ZNF385D: variants seen among roughly 807,000 people sequenced by gnomAD.
The protein encoded by ZNF385D is zinc finger protein 659.
A neutral mutation model predicts 35.8 loss-of-function variants in ZNF385D; 15 were observed. The observed-to-expected ratio is 0.42, with a 90% confidence interval of 0.28 to 0.64. The LOEUF is 0.64. ZNF385D is among the 30% of genes least tolerant of loss of function. ZNF385D has a pLI of 0.23. For missense variants in ZNF385D, 474 were observed against 494.6 expected (o/e 0.96, Z 0.39); for synonymous variants, 212 against 186.8 (o/e 1.13, Z -1.10).
At chr3:22,061,248 G>A (rs1166750998) in intron 3 of ZNF385D, among the ~76,000 whole-genome samples, 1 of 152,176 alleles carries the variant, frequency 6.6e-6, no homozygotes, top group Non-Finnish European at 1.5e-5. Flanking sequence ...AAGAAAAGTA[G>A]TCATTTAAAT....
intron 3 of ZNF385D, among the ~76,000 whole-genome samples, chr3:21,814,942 T>C (rs1472202035): frequency 6.6e-6 from 1 of 152,124 alleles, no homozygotes; most frequent in Non-Finnish European, 1.5e-5. Context: ...AGTAAAGCAC[T>C]CCTCAGCAAA....
At chr3:21,424,524 AG>A (rs1700918475) in intron 6 of ZNF385D, among the ~76,000 whole-genome samples, 1 of 150,290 alleles carries the variant, frequency 6.7e-6, no homozygotes, top group Non-Finnish European at 1.5e-5. Flanking sequence ...CATCTTGGCC[AG>A]GCTGGTCTTG....
chr3:22,196,209 A>C (rs781343833), intron 2 of ZNF385D, among the ~76,000 whole-genome samples: 1 of 152,080 alleles, frequency 6.6e-6, no homozygotes, highest in Admixed American at 6.6e-5. Context: ...TTGCTAATCG[A>C]ATAGGTGGAA....
At position 21,952,097 on chromosome 3, in the gene ZNF385D, C is replaced by G. The variant is rs147863546; in HGVS notation, c.325+216720G>C. On this transcript the variant is annotated intron_variant, in intron 3 of 5. Coordinates refer to the ZNF385D transcript ENST00000494108. ...CAACTAAGAACCAATGATCTCATAC[C>G]TTCCTATCCAGAATGTTGCCTTCAA... Among the ~76,000 whole-genome samples, 45 of 148,750 alleles carry G rather than the reference C, an allele frequency of 3.0e-4. 1 individual carries two copies. In the East Asian group the frequency reaches 8.3e-3, roughly 28 times the overall value.
At chr3:22,179,274 G>A (rs1302756477) in intron 2 of ZNF385D, among the ~76,000 whole-genome samples, 4 of 152,132 alleles carry the variant, frequency 2.6e-5, no homozygotes, top group Non-Finnish European at 5.9e-5. Context: ...GCAGTGGTTT[G>A]TAGTTCTCCT....
chr3:22,111,955 G>A (rs1702559581), intron 3 of ZNF385D, among the ~76,000 whole-genome samples: 1 of 152,028 alleles, frequency 6.6e-6, no homozygotes, highest in Non-Finnish European at 1.5e-5. Flanking sequence ...ATCAAATGCA[G>A]CCAAGTCGTT....
intron 3 of ZNF385D, among the ~76,000 whole-genome samples, chr3:21,840,351 C>G (rs541861461): frequency 1.3e-5 from 2 of 152,134 alleles, no homozygotes; most frequent in East Asian, 3.9e-4. Flanking sequence ...CAAGTGGTAT[C>G]ACTTTTACTT....
chr3:21,651,980 TGATGC>T (rs2065929515), intron 2 of ZNF385D, among the ~76,000 whole-genome samples: 1 of 152,198 alleles, frequency 6.6e-6, no homozygotes, highest in South Asian at 2.1e-4. Flanking sequence ...CTCTGAAACT[TGATGC>T]CAGTTAGAAC....
intron 3 of ZNF385D, among the ~76,000 whole-genome samples, chr3:22,017,887 CTTG>C (rs762572975): frequency 3.9e-5 from 6 of 151,910 alleles, no homozygotes; most frequent in Admixed American, 1.3e-4. Context: ...TTGTATTCAA[CTTG>C]TTTTTTGCCT....
At chr3:21,819,633 TTA>T (rs979675887) in intron 3 of ZNF385D, among the ~76,000 whole-genome samples, 4 of 138,664 alleles carry the variant, frequency 2.9e-5, no homozygotes, top group African/African-American at 8.1e-5. Context: ...TATTATATAA[TTA>T]TATATTCTAT....
chr3:21,784,612 C>T (rs888187558), intron 3 of ZNF385D, among the ~76,000 whole-genome samples: 1 of 151,692 alleles, frequency 6.6e-6, no homozygotes, highest in Non-Finnish European at 1.5e-5. Flanking sequence ...CTAAACATCT[C>T]AGTGGTCAAG....
intron 2 of ZNF385D, among the ~76,000 whole-genome samples, chr3:22,322,218 C>A (rs138162155): frequency 1.1e-3 from 162 of 152,260 alleles, no homozygotes; most frequent in African/African-American, 3.8e-3. Context: ...TCATCTTTTC[C>A]TAACATGTAG....
intron 3 of ZNF385D, among the ~76,000 whole-genome samples, chr3:21,884,011 T>C (rs1698410606): frequency 2.6e-5 from 4 of 151,994 alleles, no homozygotes. Context: ...TATGAGAGGG[T>C]TGCTAAGGCT....
At chr3:21,724,360 T>C (rs375213554) in intron 1 of ZNF385D, among the ~76,000 whole-genome samples, 20 of 150,936 alleles carry the variant, frequency 1.3e-4, no homozygotes, top group African/African-American at 4.2e-4. Context: ...CAATGGCACA[T>C]TGCATAGAGT....
At chr3:22,150,674 C>T (rs1038251467) in intron 3 of ZNF385D, among the ~76,000 whole-genome samples, 1 of 152,102 alleles carries the variant, frequency 6.6e-6, no homozygotes, top group Non-Finnish European at 1.5e-5. Flanking sequence ...GTTAAGATAT[C>T]TTATCTAGCT....
chr3:22,206,344 A>C (rs1173080195), intron 2 of ZNF385D, among the ~76,000 whole-genome samples: 1 of 152,050 alleles, frequency 6.6e-6, no homozygotes, highest in Admixed American at 6.6e-5. Flanking sequence ...AGACTTCAAC[A>C]TCCCACTGTC....
intron 3 of ZNF385D, among the ~76,000 whole-genome samples, chr3:22,109,715 T>C (rs1394819266): frequency 6.6e-6 from 1 of 152,176 alleles, no homozygotes; most frequent in Non-Finnish European, 1.5e-5. Flanking sequence ...AGTTCAACTC[T>C]GGGCAAGGAC....
At chr3:21,597,338 C>T (rs75447987) in intron 2 of ZNF385D, among the ~76,000 whole-genome samples, 67 of 150,806 alleles carry the variant, frequency 4.4e-4, no homozygotes, top group African/African-American at 1.5e-3. Context: ...CTATTTTCAA[C>T]GTATGTTAAA....
At chr3:22,241,585 C>T (rs1428913286) in intron 2 of ZNF385D, among the ~76,000 whole-genome samples, 3 of 151,088 alleles carry the variant, frequency 2.0e-5, no homozygotes, top group African/African-American at 7.3e-5. Flanking sequence ...TATTTCTAAG[C>T]CAATAGCCCT....
Sources: allele counts gnomAD v4.1 joint callset (sites outside exome capture counted in the v4.1 genomes callset), GRCh38; gene constraint gnomAD v4.1.1; transcripts MANE v1.5; gene names NCBI Gene and HGNC (gene_info 2026-07-23, HGNC 2026-07-21).